Variants in DMD observed in about 807,000 individuals in gnomAD.
DMD encodes dystrophin, also known as mutant dystrophin.
DMD carries 63 observed loss-of-function variants against 330.1 expected under a neutral mutation model. The ratio of observed to expected loss-of-function variants is 0.19; its 90% CI spans 0.16 to 0.24. The LOEUF is 0.24. Ranked by LOEUF, DMD falls within the 10% of genes least tolerant of loss-of-function variation. The pLI, the probability that DMD is intolerant of heterozygous loss-of-function variation, is 1.00. For synonymous variants in DMD, 1,223 were observed against 959.8 expected (o/e 1.27, Z -5.07); for missense variants, 3,344 against 2,684.1 (o/e 1.25, Z -5.43).
At chrX:32,155,627 G>A (rs2096826613) in intron 44 of DMD, among the ~76,000 whole-genome samples, 1 of 111,517 alleles carries the variant, frequency 9.0e-6, no homozygotes, top group African/African-American at 3.3e-5. Flanking sequence ...GATTATTTCT[G>A]GAAGCACTTA....
Position 33,032,999 on chromosome X carries a change from T to C in DMD, c.32-12799A>G, listed in dbSNP as rs952097779. ...TGCAGTCAGTAAAAGAACATTAGAG[T>C]CAGTCTTTTAGAAAAGGGTTTGGAA... On this transcript the variant is annotated intron_variant, in intron 1 of 78. Transcript: ENST00000357033. 6.3e-5 allele frequency among the ~76,000 whole-genome samples: 7 copies of C among 111,403 alleles called. No homozygotes were observed. The East Asian group carries it at 2.0e-3, about 32-fold the overall frequency.
chrX:31,240,492 A>G (rs1198573324), intron 63 of DMD, among the ~76,000 whole-genome samples: 6 of 111,432 alleles, frequency 5.4e-5, no homozygotes, highest in Admixed American at 9.6e-5. Context: ...TGAGTATTAA[A>G]TCTATCTATC....
At chrX:32,329,205 G>T (rs1438629821) in intron 41 of DMD, among the ~76,000 whole-genome samples, 1 of 112,269 alleles carries the variant, frequency 8.9e-6, no homozygotes, top group Non-Finnish European at 1.9e-5. Context: ...AACATTTGCA[G>T]ATTGCAGTAA....
chrX:32,997,924 C>T (rs989934004), intron 2 of DMD, among the ~76,000 whole-genome samples: 2 of 112,077 alleles, frequency 1.8e-5, no homozygotes, highest in Non-Finnish European at 3.8e-5. Context: ...TGTTACTTCT[C>T]AAAAAACGTA....
chrX:32,563,266 C>A (rs2051257460), intron 16 of DMD, among the ~76,000 whole-genome samples: 1 of 103,291 alleles, frequency 9.7e-6, no homozygotes, highest in African/African-American at 3.6e-5. Flanking sequence ...CGGTGTGAAC[C>A]CAGGAGGCAG....
At chrX:32,043,297 G>A (rs2096026990) in intron 44 of DMD, among the ~76,000 whole-genome samples, 1 of 112,184 alleles carries the variant, frequency 8.9e-6, no homozygotes, top group African/African-American at 3.2e-5. Context: ...TTTTGCAAGA[G>A]ATAGACATAA....
chrX:32,420,374 G>T (rs1322796294), intron 29 of DMD, among the ~76,000 whole-genome samples: 1 of 111,758 alleles, frequency 8.9e-6, no homozygotes, highest in Non-Finnish European at 1.9e-5. Context: ...TCCAAATCTG[G>T]GGATAAAATC....
At chrX:31,405,725 T>C (rs2061377884) in intron 60 of DMD, among the ~76,000 whole-genome samples, 1 of 111,752 alleles carries the variant, frequency 8.9e-6, no homozygotes, top group African/African-American at 3.2e-5. Flanking sequence ...TTTCCACTTA[T>C]GGATGTAAGT....
intron 44 of DMD, among the ~76,000 whole-genome samples, chrX:32,036,742 T>C (rs746198159): frequency 9.0e-6 from 1 of 111,730 alleles, no homozygotes; most frequent in African/African-American, 3.2e-5. Context: ...ACCCACATAA[T>C]GTCAAGTAAG....
intron 67 of DMD, among the ~76,000 whole-genome samples, chrX:31,197,675 A>G (rs2043035438): frequency 9.0e-6 from 1 of 111,719 alleles, no homozygotes; most frequent in Non-Finnish European, 1.9e-5. Flanking sequence ...TCATAGGTGA[A>G]GCATATTGAA....
At chrX:31,202,276 A>G (rs773009359) in intron 67 of DMD, among the ~76,000 whole-genome samples, 1 of 112,409 alleles carries the variant, frequency 8.9e-6, no homozygotes, top group African/African-American at 3.2e-5. Flanking sequence ...GATTTTAAAA[A>G]ATCAAAATGA....
chrX:32,791,078 A>T (rs1489289836), intron 7 of DMD, among the ~76,000 whole-genome samples: 2 of 111,125 alleles, frequency 1.8e-5, no homozygotes, highest in Non-Finnish European at 3.8e-5. Flanking sequence ...TGGGGCCTGA[A>T]TTTGGGCCCA....
intron 9 of DMD, among the ~76,000 whole-genome samples, chrX:32,674,792 T>C (rs1299929583): frequency 9.0e-6 from 1 of 110,919 alleles, no homozygotes; most frequent in Non-Finnish European, 1.9e-5. Context: ...TTATGGAGGG[T>C]AGGCTTAGAT....
At chrX:31,274,895 A>G (rs1441532558) in intron 62 of DMD, among the ~76,000 whole-genome samples, 1 of 111,117 alleles carries the variant, frequency 9.0e-6, no homozygotes, top group Admixed American at 9.6e-5. Flanking sequence ...AAATTTCAAC[A>G]TTGTAATCCA....
chrX:32,722,045 T>C (rs1469391311), intron 7 of DMD, among the ~76,000 whole-genome samples: 1 of 110,751 alleles, frequency 9.0e-6, no homozygotes, highest in Non-Finnish European at 1.9e-5. Flanking sequence ...TACAATACTC[T>C]TTTTAATACT....
chrX:32,020,132 C>T (rs1461496133), intron 44 of DMD, among the ~76,000 whole-genome samples: 2 of 112,738 alleles, frequency 1.8e-5, no homozygotes, highest in Non-Finnish European at 3.7e-5. Flanking sequence ...GTCTTGCTGG[C>T]ACATCAACAA....
intron 44 of DMD, among the ~76,000 whole-genome samples, chrX:32,152,213 A>G (rs913159298): frequency 7.1e-4 from 79 of 112,056 alleles, no homozygotes; most frequent in African/African-American, 2.4e-3. Flanking sequence ...CCCTCCAGGT[A>G]GCAAATATGT....
chrX:32,403,993 T>A (rs1346728083), intron 30 of DMD, among the ~76,000 whole-genome samples: 1 of 112,135 alleles, frequency 8.9e-6, no homozygotes, highest in Non-Finnish European at 1.9e-5. Flanking sequence ...TATAAGAGTC[T>A]GTTTTATTCC....
At chrX:31,268,441 ACTT>A (rs1020776395) in intron 62 of DMD, among the ~76,000 whole-genome samples, 13 of 112,292 alleles carry the variant, frequency 1.2e-4, no homozygotes, top group African/African-American at 2.6e-4. Context: ...CAAATATGGC[ACTT>A]CTTCTGGCAT....
Sources: allele counts gnomAD v4.1 joint callset (sites outside exome capture counted in the v4.1 genomes callset), GRCh38; gene constraint gnomAD v4.1.1; transcripts MANE v1.5; gene names NCBI Gene and HGNC (gene_info 2026-07-23, HGNC 2026-07-21).